Variants in GRB10 observed in about 807,000 individuals in gnomAD.
GRB10 encodes growth factor receptor-bound protein 10.
A neutral mutation model predicts 80.9 loss-of-function variants in GRB10; 20 were observed. The ratio of observed to expected loss-of-function variants is 0.25; its 90% CI spans 0.17 to 0.36. GRB10 has a LOEUF of 0.36. GRB10 is among the 10% of genes least tolerant of loss of function. The probability of loss-of-function intolerance (pLI) is 1.00; values close to 1 mark genes in which losing one functional copy is unlikely to be tolerated. For missense variants in GRB10, 548 were observed against 747.7 expected, an observed-to-expected ratio of 0.73 and a Z score of 3.12; for synonymous variants, 291 against 291.5, an observed-to-expected ratio of 1.00 and a Z score of 0.02.
intron 3 of GRB10, among the ~76,000 whole-genome samples, chr7:50,744,009 G>A (rs1395491280): frequency 6.6e-6 from 1 of 152,124 alleles, no homozygotes; most frequent in Non-Finnish European, 1.5e-5. Flanking sequence ...CCTGAAAAGA[G>A]GTGGGGTGAT....
At chr7:50,679,964 A>G (rs1312021365) in intron 5 of GRB10, among the ~76,000 whole-genome samples, 2 of 152,226 alleles carry the variant, frequency 1.3e-5, no homozygotes, top group Non-Finnish European at 2.9e-5. Flanking sequence ...TTTATCTTCT[A>G]TTCTCATGTA....
chr7:50,786,987 G>A (rs927387144), upstream of GRB10, among the ~76,000 whole-genome samples: 2 of 152,192 alleles, frequency 1.3e-5, no homozygotes, highest in Non-Finnish European at 2.9e-5. Flanking sequence ...AGTTTGGAGG[G>A]AAGAATGGTA....
At chr7:50,721,949 G>A (rs1053209697) in intron 4 of GRB10, among the ~76,000 whole-genome samples, 7 of 152,226 alleles carry the variant, frequency 4.6e-5, no homozygotes, top group Admixed American at 6.5e-5. Flanking sequence ...AGAAGACAGC[G>A]CGTGGAGCGG....
intron 3 of GRB10, among the ~76,000 whole-genome samples, chr7:50,745,080 T>C (rs1205664884): frequency 2.6e-5 from 4 of 152,206 alleles, no homozygotes; most frequent in Admixed American, 6.5e-5. Flanking sequence ...TTTTTTGGTA[T>C]TTCTCGGCTA....
intron 5 of GRB10, among the ~76,000 whole-genome samples, chr7:50,678,990 A>G (rs1035423828): frequency 6.6e-6 from 1 of 152,250 alleles, no homozygotes; most frequent in Admixed American, 6.5e-5. Context: ...CCCCACTGGG[A>G]GGAATAGTGA....
intron 2 of GRB10, among the ~76,000 whole-genome samples, chr7:50,765,887 C>T (rs1357572854): frequency 6.6e-6 from 1 of 152,126 alleles, no homozygotes; most frequent in Non-Finnish European, 1.5e-5. Context: ...ATTAAGTACA[C>T]TGATTTGACC....
chr7:50,734,434 T>C (rs1287526073), intron 3 of GRB10, among the ~76,000 whole-genome samples: 2 of 146,562 alleles, frequency 1.4e-5, no homozygotes, highest in Admixed American at 7.2e-5. Context: ...GTGACAGTTC[T>C]GCCACATCCC....
intron 8 of GRB10, among the ~76,000 whole-genome samples, chr7:50,624,408 T>C (rs2052491158): frequency 6.6e-6 from 1 of 152,252 alleles, no homozygotes; most frequent in Non-Finnish European, 1.5e-5. Flanking sequence ...AGAGGCACCC[T>C]GCAGCCCTGC....
chr7:50,682,402 C>T (rs954089410), intron 5 of GRB10, among the ~76,000 whole-genome samples: 1 of 152,192 alleles, frequency 6.6e-6, no homozygotes, highest in Non-Finnish European at 1.5e-5. Context: ...AAGTCATTAA[C>T]GTGCCCTCAG....
intron 5 of GRB10, among the ~76,000 whole-genome samples, chr7:50,692,911 T>C (rs2062992337): frequency 6.6e-6 from 1 of 152,218 alleles, no homozygotes; most frequent in African/African-American, 2.4e-5. Context: ...TTAACACCTG[T>C]CTGTGACTTC....
intron 14 of GRB10, 139 bp downstream of exon 14, chr7:50,606,198 G>C (rs2153570968): frequency 1.3e-6 from 1 of 786,676 alleles, no homozygotes; most frequent in Non-Finnish European, 2.3e-6. Flanking sequence ...GTCATCGTGG[G>C]ACATACTGGC....
Position 50,731,814 on chromosome 7 carries a change from G to T in GRB10, c.51+458C>A, listed in dbSNP as rs1456315154. ...GGAGAGGACTCCCTCTAGAACATCT[G>T]TTAAGACACCAAGCCCTTTCTCCTT... On this transcript the variant is annotated intron_variant, in intron 4 of 18. Coordinates refer to ENST00000401949, the MANE Select transcript of GRB10 (RefSeq NM_001350814.2). 3.3e-5 allele frequency among the ~76,000 whole-genome samples: 5 copies of T among 152,188 alleles called. No homozygotes were observed. The East Asian group carries it at 5.8e-4, about 18-fold the overall frequency.
In GRB10 at chr7:50,653,450, G is replaced by C. The variant is rs556493051; in HGVS notation, c.504+16272C>G. 1.8e-4 allele frequency among the ~76,000 whole-genome samples: 28 copies of C among 152,358 alleles called. No individual in the cohort carries two copies. The South Asian group carries it at 4.3e-3, about 24-fold the overall frequency. ...CACCCGCTGCAACTGGGACAGCCAA[G>C]AGAGTGGGGGACTCAGGAAGAGATT... is the stretch of plus-strand genomic sequence containing the variant. On this transcript the variant is annotated intron_variant, in intron 7 of 18. Transcript: ENST00000401949.
At chr7:50,636,852 A>AC (rs1277497040) in intron 7 of GRB10, among the ~76,000 whole-genome samples, 1 of 108,316 alleles carries the variant, frequency 9.2e-6, no homozygotes, top group Non-Finnish European at 2.1e-5. Flanking sequence ...CACCACTACT[A>AC]TTAAACGTAG....
chr7:50,791,953 T>C (rs1191161847), intron 1 of GRB10, among the ~76,000 whole-genome samples: 3 of 152,198 alleles, frequency 2.0e-5, no homozygotes, highest in Non-Finnish European at 2.9e-5. Flanking sequence ...TCTAACTCTT[T>C]CCTCCTGGAA....
chr7:50,679,637 C>A (rs749282273), intron 5 of GRB10, among the ~76,000 whole-genome samples: 1 of 152,194 alleles, frequency 6.6e-6, no homozygotes, highest in Non-Finnish European at 1.5e-5. Flanking sequence ...CTCCACTACC[C>A]CCTTCCCCCA....
chr7:50,665,660 G>A (rs1440065775), intron 7 of GRB10, among the ~76,000 whole-genome samples: 2 of 152,230 alleles, frequency 1.3e-5, no homozygotes, highest in Admixed American at 6.5e-5. Context: ...GGTGGGACCA[G>A]GGAGGTGAGA....
In GRB10 at chr7:50,647,520, G is replaced by A. The variant is rs80060646; in HGVS notation, c.505-20542C>T. Among the ~76,000 whole-genome samples the A allele has an allele frequency of 2.7e-3, 416 of 152,328 alleles. 12 individuals carry two copies. The East Asian group carries it at 0.072, about 26-fold the overall frequency. ...GCCAGGCACCAAGGTGCTGGGATTC[G>A]GGTCTGGAATAAAACCCCTTGACTT... On this transcript the variant is annotated intron_variant, in intron 7 of 18. Coordinates refer to ENST00000401949, the MANE Select transcript of GRB10 (RefSeq NM_001350814.2).
chr7:50,781,866 C>T (rs1372982584), intron 1 of GRB10, among the ~76,000 whole-genome samples: 2 of 152,254 alleles, frequency 1.3e-5, no homozygotes, highest in Non-Finnish European at 2.9e-5. Context: ...TGATATGCAC[C>T]TTCCAGGGAG....
Sources: allele counts gnomAD v4.1 joint callset (sites outside exome capture counted in the v4.1 genomes callset), GRCh38; gene constraint gnomAD v4.1.1; transcripts MANE v1.5; gene names NCBI Gene and HGNC (gene_info 2026-07-23, HGNC 2026-07-21).